The following RBFOX1 variants were observed in gnomAD, a reference collection of about 807,000 sequenced individuals.
RBFOX1 encodes the protein RNA binding fox-1 homolog 1.
In RBFOX1, 8 loss-of-function variants were observed where a neutral mutation model predicts 57.7. That is an observed-to-expected ratio of 0.14 (90% confidence interval 0.08 to 0.25). The LOEUF (loss-of-function observed/expected upper bound fraction) is 0.25. Ranked by LOEUF, RBFOX1 falls within the 10% of genes least tolerant of loss-of-function variation. The pLI is 1.00. For synonymous variants in RBFOX1, 326 were observed against 222.4 expected (o/e 1.47, Z -4.15); for missense variants, 611 against 548.5 (o/e 1.11, Z -1.14).
chr16:5,841,815 C>T (rs1158907996), intron 3 of RBFOX1, among the ~76,000 whole-genome samples: 7 of 152,290 alleles, frequency 4.6e-5, no homozygotes, highest in Admixed American at 3.3e-4. Flanking sequence ...CCTTTCTACT[C>T]GCAGACTAAA....
intron 3 of RBFOX1, among the ~76,000 whole-genome samples, chr16:7,005,851 G>A (rs537654542): frequency 6.6e-5 from 10 of 152,102 alleles, no homozygotes; most frequent in South Asian, 2.1e-4. Context: ...TACAGCTTTC[G>A]CTTCACTAAA....
chr16:6,227,082 C>G (rs1485784113), intron 1 of RBFOX1, among the ~76,000 whole-genome samples: 12 of 151,896 alleles, frequency 7.9e-5, no homozygotes, highest in Non-Finnish European at 4.4e-5. Context: ...CGAGATTGTG[C>G]CACTGAACTC....
chr16:6,589,739 C>T (rs143678028), intron 2 of RBFOX1, among the ~76,000 whole-genome samples: 3 of 152,280 alleles, frequency 2.0e-5, no homozygotes, highest in African/African-American at 2.4e-5. Flanking sequence ...AAGGGCTGTT[C>T]TCATCTTTGT....
At chr16:5,244,140 G>A (rs752543299) in intron 1 of RBFOX1, among the ~76,000 whole-genome samples, 42 of 152,250 alleles carry the variant, frequency 2.8e-4, no homozygotes, top group Non-Finnish European at 5.9e-4. Flanking sequence ...GAGGTGATCT[G>A]CCTGCCTCGG....
chr16:7,127,149 CTG>C (rs1681149229), intron 4 of RBFOX1, among the ~76,000 whole-genome samples: 1 of 152,090 alleles, frequency 6.6e-6, no homozygotes, highest in Admixed American at 6.5e-5. Flanking sequence ...CTACCCCTGA[CTG>C]TGATTATAAT....
intron 2 of RBFOX1, among the ~76,000 whole-genome samples, chr16:6,653,945 G>A (rs2098623931): frequency 6.9e-6 from 1 of 144,614 alleles, no homozygotes; most frequent in Non-Finnish European, 1.5e-5. Flanking sequence ...ATGGATAGAG[G>A]GTGGATGAAG....
At chr16:6,431,350 G>A (rs1262818428) in intron 2 of RBFOX1, among the ~76,000 whole-genome samples, 2 of 151,944 alleles carry the variant, frequency 1.3e-5, no homozygotes, top group African/African-American at 4.8e-5. Context: ...GGCAACAGAG[G>A]AAATATGGAA....
intron 2 of RBFOX1, among the ~76,000 whole-genome samples, chr16:6,336,171 ATATATATATATTTTTTTTTTTTTTTT>A (rs1197096284): frequency 2.2e-4 from 6 of 27,530 alleles, no homozygotes; most frequent in African/African-American, 9.0e-4. Flanking sequence ...ATATATATAT[ATATATATATATTTTTTTTTTTTTTTT>A]TTTTTTTTTT....
In RBFOX1 at chr16:6,020,723, C is replaced by G. The variant is rs116656854; in HGVS notation, c.-127+731C>G. ...CAGGGGGGGGCTTGTCAGCTCCAAT[C>G]AACCAATTGTCCAGCTATGGAAGCG... is the stretch of plus-strand genomic sequence containing the variant. On this transcript the variant is annotated intron_variant, in intron 1 of 15. Transcript: ENST00000550418. Among the ~76,000 whole-genome samples, 489 of 152,246 alleles carry G rather than the reference C, an allele frequency of 3.2e-3. 4 individuals carry two copies. The highest frequency in any genetic ancestry group is 0.011 in the African/African-American group (468 of 41,554).
At chr16:6,912,076 A>G (rs1567843543) in intron 3 of RBFOX1, among the ~76,000 whole-genome samples, 1 of 152,206 alleles carries the variant, frequency 6.6e-6, no homozygotes, top group African/African-American at 2.4e-5. Context: ...CTGTGAATAA[A>G]TATGCTGTTG....
chr16:6,348,810 C>T (rs1052308881), intron 2 of RBFOX1, among the ~76,000 whole-genome samples: 3 of 152,036 alleles, frequency 2.0e-5, no homozygotes, highest in African/African-American at 7.2e-5. Flanking sequence ...CCCATCAGGC[C>T]CCACCTCCAA....
intron 4 of RBFOX1, among the ~76,000 whole-genome samples, chr16:7,307,454 G>A (rs925920309): frequency 1.3e-5 from 2 of 152,126 alleles, no homozygotes; most frequent in African/African-American, 4.8e-5. Context: ...CTTTTGCCAC[G>A]AATAATTTAT....
rs557244044 is a variant in RBFOX1 at position 5,929,822 on chromosome 16, A to T, written c.351+62487A>T. Among the ~76,000 whole-genome samples, 14 of 148,036 alleles carry T rather than the reference A, an allele frequency of 9.5e-5. No individual in the cohort carries two copies. In the East Asian group the frequency reaches 2.8e-3, roughly 29 times the overall value. The stretch of plus-strand genomic sequence containing the variant: ...GAACAGAACTCACTAAGAGCTGGCA[A>T]GGGAGTAGGCTAGAAGGTAAGTAGG... On this transcript the variant is annotated intron_variant, in intron 4 of 19. Transcript: ENST00000641259.
chr16:7,697,529 G>A (rs1483169307), intron 14 of RBFOX1, among the ~76,000 whole-genome samples: 2 of 151,946 alleles, frequency 1.3e-5, no homozygotes, highest in Non-Finnish European at 2.9e-5. Context: ...GCATGTATAT[G>A]TATAATGCAT....
At chr16:6,462,563 G>C (rs1432087680) in intron 2 of RBFOX1, among the ~76,000 whole-genome samples, 5 of 152,066 alleles carry the variant, frequency 3.3e-5, no homozygotes, top group Non-Finnish European at 1.5e-5. Flanking sequence ...GCCAAAATAA[G>C]CATTGCTATA....
intron 3 of RBFOX1, among the ~76,000 whole-genome samples, chr16:5,796,882 T>C (rs1314005444): frequency 6.6e-6 from 1 of 152,232 alleles, no homozygotes; most frequent in African/African-American, 2.4e-5. Flanking sequence ...TCATTGTTTG[T>C]TCATCGATTA....
chr16:5,407,794 C>G (rs532032845), intron 1 of RBFOX1, among the ~76,000 whole-genome samples: 2 of 152,334 alleles, frequency 1.3e-5, no homozygotes, highest in South Asian at 4.1e-4. Flanking sequence ...AACGATCCAA[C>G]TGCCCCGGCC....
At chr16:5,709,801 C>G (rs534222651) in intron 3 of RBFOX1, among the ~76,000 whole-genome samples, 1 of 62,776 alleles carries the variant, frequency 1.6e-5, no homozygotes, top group South Asian at 4.8e-4. Context: ...GGTGTTGTAT[C>G]AGTTTCTTTA....
intron 2 of RBFOX1, among the ~76,000 whole-genome samples, chr16:6,557,591 G>A (rs529172507): frequency 2.6e-5 from 4 of 152,294 alleles, no homozygotes; most frequent in African/African-American, 4.8e-5. Flanking sequence ...GGGTGTTGCC[G>A]AAGTCCTGTT....
Sources: gnomAD v4.1 joint callset for allele counts (sites outside exome capture counted in the v4.1 genomes callset) on GRCh38, gnomAD v4.1.1 for gene constraint, MANE v1.5 for transcripts, NCBI Gene and HGNC (gene_info 2026-07-23, HGNC 2026-07-21) for gene names.